Variants in SLC25A21 observed in about 807,000 individuals in gnomAD.
SLC25A21 encodes the protein mitochondrial 2-oxodicarboxylate carrier.
Under a neutral mutation model 43.8 loss-of-function variants are expected in SLC25A21, and 47 were observed. That is an observed-to-expected ratio of 1.07 (90% CI 0.85 to 1.37). The LOEUF (loss-of-function observed/expected upper bound fraction) is 1.37. SLC25A21 is among the 40% of genes most tolerant of loss of function. The probability of loss-of-function intolerance (pLI) is 0.00; values close to 1 mark genes in which losing one functional copy is unlikely to be tolerated. For missense variants in SLC25A21, 352 were observed against 350.2 expected, an observed-to-expected ratio of 1.00 and a Z score of -0.04; for synonymous variants, 131 against 121.3, an observed-to-expected ratio of 1.08 and a Z score of -0.52.
intron 1 of SLC25A21, among the ~76,000 whole-genome samples, chr14:37,116,103 A>G (rs1166120443): frequency 1.3e-5 from 2 of 152,194 alleles, no homozygotes; most frequent in Admixed American, 6.5e-5. Context: ...TTAAAAAAAA[A>G]CAACTAAAAC....
At chr14:36,773,551 AG>A (rs1468216664) in intron 3 of SLC25A21, among the ~76,000 whole-genome samples, 8 of 152,264 alleles carry the variant, frequency 5.3e-5, no homozygotes, top group Non-Finnish European at 1.2e-4. Flanking sequence ...GTATAAAAGA[AG>A]AAAAACAAAT....
At chr14:36,976,447 T>A (rs889441039) in intron 1 of SLC25A21, among the ~76,000 whole-genome samples, 2 of 152,144 alleles carry the variant, frequency 1.3e-5, no homozygotes, top group African/African-American at 4.8e-5. Flanking sequence ...TTGTTGCCTA[T>A]GATATAATTT....
At chr14:36,725,281 C>G (rs1287288499) in intron 6 of SLC25A21, 1 of 158,720 alleles carries the variant, frequency 6.3e-6, no homozygotes, top group Non-Finnish European at 1.4e-5. Context: ...CGAGACCAGC[C>G]TGACCAACAT....
intron 1 of SLC25A21, among the ~76,000 whole-genome samples, chr14:36,918,898 C>T (rs1188631609): frequency 1.3e-5 from 2 of 151,998 alleles, no homozygotes; most frequent in Admixed American, 1.3e-4. Context: ...ATTTTTCTTT[C>T]TCTCTCTCTT....
chr14:36,685,016 C>G, intron 7 of SLC25A21, 91 bp from the exon 8 acceptor site: 1 of 936,810 alleles, frequency 1.1e-6, no homozygotes, highest in East Asian at 2.7e-5. Flanking sequence ...TTAAGCAGAG[C>G]ATTGCACTCC....
intron 1 of SLC25A21, among the ~76,000 whole-genome samples, chr14:36,918,722 C>A (rs1382828913): frequency 6.6e-6 from 1 of 151,956 alleles, no homozygotes; most frequent in Non-Finnish European, 1.5e-5. Context: ...ACCAACCCAA[C>A]TATAAAAATA....
intron 1 of SLC25A21, among the ~76,000 whole-genome samples, chr14:36,900,498 C>A: frequency 6.6e-6 from 1 of 152,266 alleles, no homozygotes; most frequent in East Asian, 1.9e-4. Flanking sequence ...AACTTTTAAT[C>A]TTAATTAACT....
intron 2 of SLC25A21, among the ~76,000 whole-genome samples, chr14:36,860,609 TCCAAATGAAA>T (rs1890039586): frequency 6.6e-6 from 1 of 152,226 alleles, no homozygotes. Flanking sequence ...ACCTGACCTT[TCCAAATGAAA>T]CTGGGTCAGA....
At chr14:36,950,817 T>G (rs1892791728) in intron 1 of SLC25A21, among the ~76,000 whole-genome samples, 1 of 152,232 alleles carries the variant, frequency 6.6e-6, no homozygotes, top group East Asian at 1.9e-4. Flanking sequence ...ACATTCTTAT[T>G]GCACGGGAAT....
At chr14:36,848,053 T>C (rs1193993337) in intron 2 of SLC25A21, among the ~76,000 whole-genome samples, 1 of 151,832 alleles carries the variant, frequency 6.6e-6, no homozygotes, top group South Asian at 2.1e-4. Context: ...CCAACAGATG[T>C]GTGCAGTGAG....
chr14:36,795,286 C>A (rs1349033652), intron 3 of SLC25A21, among the ~76,000 whole-genome samples: 2 of 152,074 alleles, frequency 1.3e-5, no homozygotes, highest in Non-Finnish European at 2.9e-5. Context: ...AAAGTAGCTC[C>A]TTTGGTCAAT....
At chr14:36,759,583 C>A (rs950354094) in intron 3 of SLC25A21, 1 of 152,170 alleles carries the variant, frequency 6.6e-6, no homozygotes, top group African/African-American at 2.4e-5. Context: ...AGGAGAAAAC[C>A]AAGTCCCCAA....
intron 2 of SLC25A21, among the ~76,000 whole-genome samples, chr14:36,855,994 A>G (rs1303583395): frequency 6.6e-6 from 1 of 152,190 alleles, no homozygotes; most frequent in Non-Finnish European, 1.5e-5. Context: ...AACAGTCTAC[A>G]GTGCTGCAGA....
chr14:37,018,757 C>A (rs1282441588), intron 1 of SLC25A21, among the ~76,000 whole-genome samples: 1 of 151,242 alleles, frequency 6.6e-6, no homozygotes, highest in East Asian at 2.0e-4. Flanking sequence ...TGCGTGGCTT[C>A]CCTTTGCACT....
At chr14:37,136,339 C>G (rs1400899690) in intron 1 of SLC25A21, among the ~76,000 whole-genome samples, 1 of 152,094 alleles carries the variant, frequency 6.6e-6, no homozygotes, top group Non-Finnish European at 1.5e-5. Flanking sequence ...GCCTTTCATG[C>G]CTAAGTATGA....
intron 1 of SLC25A21, among the ~76,000 whole-genome samples, chr14:37,110,484 A>C (rs1962998337): frequency 6.6e-6 from 1 of 152,320 alleles, no homozygotes; most frequent in African/African-American, 2.4e-5. Context: ...TTGATTTCTC[A>C]GAAGCAAAAA....
intron 2 of SLC25A21, among the ~76,000 whole-genome samples, chr14:36,863,845 G>A (rs983985262): frequency 6.6e-6 from 1 of 152,174 alleles, no homozygotes; most frequent in African/African-American, 2.4e-5. Context: ...CAACCAACCC[G>A]GCCTAGGGCC....
chr14:36,851,386 T>A (rs934623282), intron 2 of SLC25A21, among the ~76,000 whole-genome samples: 1 of 152,174 alleles, frequency 6.6e-6, no homozygotes, highest in African/African-American at 2.4e-5. Context: ...GGCTAACAAG[T>A]TGATACACAT....
intron 1 of SLC25A21, among the ~76,000 whole-genome samples, chr14:36,984,965 G>C (rs1004073965): frequency 1.3e-5 from 2 of 151,080 alleles, no homozygotes; most frequent in African/African-American, 4.9e-5. Context: ...AGAAAATGTG[G>C]CACATATACA....
Sources: allele counts gnomAD v4.1 joint callset (sites outside exome capture counted in the v4.1 genomes callset), GRCh38; gene constraint gnomAD v4.1.1; transcripts MANE v1.5; gene names NCBI Gene and HGNC (gene_info 2026-07-23, HGNC 2026-07-21).